Variants in ZNF521 observed in about 807,000 individuals in gnomAD.
ZNF521 encodes the protein LYST-interacting protein 3.
Under a neutral mutation model 105.5 loss-of-function variants are expected in ZNF521, and 14 were observed. That is an observed-to-expected ratio of 0.13 (90% confidence interval 0.09 to 0.21). ZNF521 has a LOEUF of 0.21. Among genes scored for constraint, ZNF521 ranks in the 10% least tolerant of loss-of-function variants. The pLI, the probability that ZNF521 is intolerant of heterozygous loss-of-function variation, is 1.00. For missense variants in ZNF521, 1,233 were observed against 1,629.7 expected (o/e 0.76, Z 4.19); for synonymous variants, 635 against 606.0 (o/e 1.05, Z -0.70).
At chr18:25,170,442 C>G (rs533205075) in intron 5 of ZNF521, among the ~76,000 whole-genome samples, 2 of 152,102 alleles carry the variant, frequency 1.3e-5, no homozygotes, top group Non-Finnish European at 2.9e-5. Context: ...TAGAGCCAGA[C>G]TGCAAAGTAA....
At chr18:25,208,037 T>G (rs2036113434) in intron 4 of ZNF521, among the ~76,000 whole-genome samples, 1 of 138,368 alleles carries the variant, frequency 7.2e-6, no homozygotes, top group Admixed American at 7.1e-5. Flanking sequence ...AGCACCGTGA[T>G]TTTTTTTTAA....
At chr18:25,154,724 G>T (rs575008487) in intron 5 of ZNF521, among the ~76,000 whole-genome samples, 1 of 152,216 alleles carries the variant, frequency 6.6e-6, no homozygotes, top group South Asian at 2.1e-4. Flanking sequence ...TCAGAGAAGG[G>T]TGAGCTGAAC....
intron 7 of ZNF521, among the ~76,000 whole-genome samples, chr18:25,083,931 ATTTTTTTT>A (rs56364504): frequency 2.5e-3 from 144 of 57,896 alleles, no homozygotes; most frequent in African/African-American, 9.8e-3. Flanking sequence ...AACCTGGGTA[ATTTTTTTT>A]TTTTTTTTTT....
intron 3 of ZNF521, among the ~76,000 whole-genome samples, chr18:25,253,425 A>G (rs1908253151): frequency 6.6e-6 from 1 of 152,082 alleles, no homozygotes; most frequent in South Asian, 2.1e-4. Flanking sequence ...AACAATTGGG[A>G]GTTTAAAAGA....
intron 5 of ZNF521, among the ~76,000 whole-genome samples, chr18:25,164,759 G>A (rs1372172322): frequency 6.6e-6 from 1 of 152,192 alleles, no homozygotes; most frequent in Non-Finnish European, 1.5e-5. Context: ...ACCCCCAGGA[G>A]GGGGGCACTC....
chr18:25,065,188 G>A (rs1402128219), intron 7 of ZNF521, among the ~76,000 whole-genome samples: 3 of 152,022 alleles, frequency 2.0e-5, no homozygotes, highest in Non-Finnish European at 2.9e-5. Flanking sequence ...TTTTTAAAAA[G>A]TCCAAAAACA....
At chr18:25,223,709 C>T (rs1454195125) in intron 4 of ZNF521, among the ~76,000 whole-genome samples, 1 of 151,472 alleles carries the variant, frequency 6.6e-6, no homozygotes, top group African/African-American at 2.4e-5. Flanking sequence ...AAAACGCACA[C>T]ATTGATTTTG....
intron 3 of ZNF521, among the ~76,000 whole-genome samples, chr18:25,268,533 A>G (rs1309149589): frequency 6.6e-6 from 1 of 152,236 alleles, no homozygotes; most frequent in African/African-American, 2.4e-5. Flanking sequence ...CCAGAGAGAA[A>G]GGTGGGGTTA....
chr18:25,241,083 A>G (rs1907295783), intron 3 of ZNF521, among the ~76,000 whole-genome samples: 1 of 152,150 alleles, frequency 6.6e-6, no homozygotes, highest in Non-Finnish European at 1.5e-5. Flanking sequence ...CCCTTTAAAA[A>G]TTCCCATTCC....
intron 5 of ZNF521, among the ~76,000 whole-genome samples, chr18:25,152,935 G>C (rs1159250209): frequency 6.6e-6 from 1 of 152,142 alleles, no homozygotes; most frequent in Non-Finnish European, 1.5e-5. Flanking sequence ...CGATGGGATG[G>C]AAGTTACTCT....
In ZNF521 at chr18:25,081,497, A is replaced by G. The variant is rs111988337; in HGVS notation, c.3906+7968T>C. ...CCTCTGTTGCCCTTACTTCAGTCAT[A>G]TTAACCACTTGATTCTTGAAAATTT... On this transcript the variant is annotated intron_variant, in intron 7 of 7. Transcript: ENST00000361524. 2.2e-4 allele frequency among the ~76,000 whole-genome samples: 33 copies of G among 152,296 alleles called. 1 individual carries two copies. Among genetic ancestry groups the G allele is most frequent in the African/African-American group, 7.7e-4 (32 of 41,568 alleles).
intron 3 of ZNF521, among the ~76,000 whole-genome samples, chr18:25,317,208 A>T (rs566564416): frequency 1.3e-5 from 2 of 152,190 alleles, no homozygotes; most frequent in Admixed American, 6.6e-5. Context: ...CACAGAACAG[A>T]TTCCCTACTT....
intron 5 of ZNF521, among the ~76,000 whole-genome samples, chr18:25,111,845 G>A (rs965953816): frequency 5.3e-5 from 8 of 152,144 alleles, no homozygotes; most frequent in Non-Finnish European, 8.8e-5. Context: ...TCATAAGCCC[G>A]AGGTTTTACT....
At chr18:25,351,100 G>T in intron 1 of ZNF521, 153 bp from the exon 2 acceptor site, 1 of 293,080 alleles carries the variant, frequency 3.4e-6, no homozygotes, top group Non-Finnish European at 5.2e-6. Flanking sequence ...TCCGGCTCCG[G>T]CTCGCGCTCG....
chr18:25,298,358 T>C (rs185126189), intron 3 of ZNF521, among the ~76,000 whole-genome samples: 1 of 152,362 alleles, frequency 6.6e-6, no homozygotes, highest in Admixed American at 6.5e-5. Context: ...TACCTGTATT[T>C]CGGCATGTGG....
intron 3 of ZNF521, among the ~76,000 whole-genome samples, chr18:25,274,921 TC>T (rs952686107): frequency 3.3e-5 from 5 of 152,082 alleles, no homozygotes; most frequent in African/African-American, 1.2e-4. Flanking sequence ...TACCTCAATA[TC>T]CTACTGTTCA....
chr18:25,329,677 A>G (rs1913439827), intron 2 of ZNF521, among the ~76,000 whole-genome samples: 1 of 152,214 alleles, frequency 6.6e-6, no homozygotes, highest in African/African-American at 2.4e-5. Context: ...CTAGAGCACG[A>G]AGGAACTCCT....
chr18:25,260,247 T>C (rs1413495937), intron 3 of ZNF521, among the ~76,000 whole-genome samples: 4 of 152,006 alleles, frequency 2.6e-5, no homozygotes, highest in Non-Finnish European at 5.9e-5. Flanking sequence ...AATGCTAAAA[T>C]AAAACAAAGC....
intron 7 of ZNF521, among the ~76,000 whole-genome samples, chr18:25,074,073 T>C (rs540437399): frequency 7.6e-6 from 1 of 131,956 alleles, no homozygotes; most frequent in South Asian, 2.4e-4. Context: ...CACGCGTGTG[T>C]GCGTGCGTGT....
Sources: allele counts gnomAD v4.1 joint callset (sites outside exome capture counted in the v4.1 genomes callset), GRCh38; gene constraint gnomAD v4.1.1; transcripts MANE v1.5; gene names NCBI Gene and HGNC (gene_info 2026-07-23, HGNC 2026-07-21).